RAB3IL1: variants seen among roughly 807,000 people sequenced by gnomAD.
The protein encoded by RAB3IL1 is guanine nucleotide exchange factor for Rab-3A.
In RAB3IL1, 37 loss-of-function variants were observed where a neutral mutation model predicts 49.2. The ratio of observed to expected loss-of-function variants is 0.75; its 90% CI spans 0.58 to 0.99. RAB3IL1 has a LOEUF of 0.99. Among genes scored for constraint, RAB3IL1 ranks in the 50% least tolerant of loss-of-function variants. The probability of loss-of-function intolerance (pLI) is 0.00; values close to 1 mark genes in which losing one functional copy is unlikely to be tolerated. For synonymous variants in RAB3IL1, 193 were observed against 213.9 expected (o/e 0.90, Z 0.85); for missense variants, 484 against 513.0 (o/e 0.94, Z 0.55).
intron 1 of RAB3IL1, among the ~76,000 whole-genome samples, chr11:61,912,902 AG>A (rs1939520217): frequency 6.6e-6 from 1 of 151,952 alleles, no homozygotes; most frequent in Non-Finnish European, 1.5e-5. Context: ...TGGGAGGAAC[AG>A]GGGCTGGATG....
chr11:61,937,948 C>T, the RAB3IL1 span: 12 of 151,972 alleles, frequency 7.9e-5, no homozygotes, highest in Admixed American at 3.3e-4. Flanking sequence ...AGAAGATTAG[C>T]GTGGCCCCTG....
chr11:61,917,346 C>A lies in RAB3IL1; in HGVS notation c.11+11G>T. On this transcript the variant is annotated intron_variant, in intron 1 of 9. Coordinates refer to ENST00000394836, the MANE Select transcript of RAB3IL1 (RefSeq NM_013401.4). ...GACCCAGCGCGGGACCGCGAGCGCG[C>A]GCGGACCTACCCGCTCCACATCCCG... is the stretch of plus-strand genomic sequence containing the variant. The A allele has an allele frequency of 1.5e-6, 2 of 1,305,086 alleles. No individual in the cohort carries two copies. Among genetic ancestry groups the A allele is most frequent in the South Asian group, 2.1e-5 (1 of 46,848 alleles). The allele number at this position is 1,305,086 out of a possible 1,614,324, so 80.8% of individuals were successfully genotyped here.
At chr11:61,904,508 C>T (rs1361710796) in intron 7 of RAB3IL1, 38 bp downstream of exon 7, 1 of 1,555,882 alleles carries the variant, frequency 6.4e-7, no homozygotes, top group Non-Finnish European at 8.8e-7. Context: ...GCGGGGCTTT[C>T]CCACATGGGC....
chr11:61,928,640 C>T, the RAB3IL1 span, among the ~76,000 whole-genome samples: 1 of 151,608 alleles, frequency 6.6e-6, no homozygotes, highest in African/African-American at 2.4e-5. Context: ...TAGGACCCTC[C>T]AACTACATGA....
chr11:61,934,345 CACACACAT>C, the RAB3IL1 span, among the ~76,000 whole-genome samples: 9,318 of 117,064 alleles, frequency 0.08, 410 homozygotes, highest in Non-Finnish European at 0.083. Flanking sequence ...CACACACACA[CACACACAT>C]ATGTATATAT....
At chr11:61,945,893 G>T in the RAB3IL1 span, 1 of 859,864 alleles carries the variant, frequency 1.2e-6, no homozygotes, top group Non-Finnish European at 1.4e-6. Flanking sequence ...GTCATGGGCA[G>T]GACTGGGTTT....
intron 1 of RAB3IL1, among the ~76,000 whole-genome samples, chr11:61,911,793 G>A (rs546800720): frequency 1.1e-4 from 16 of 152,292 alleles, no homozygotes; most frequent in African/African-American, 3.1e-4. Flanking sequence ...TCCCACTGCC[G>A]AGAGGCCCAG....
intron 2 of RAB3IL1, 80 bp from the exon 3 acceptor site, chr11:61,907,740 G>T: frequency 7.8e-7 from 1 of 1,287,506 alleles, no homozygotes; most frequent in Non-Finnish European, 1.1e-6. Flanking sequence ...ACCGGACCAG[G>T]TTCCATCCCC....
Position 61,906,251 on chromosome 11 carries a change from C to A in RAB3IL1, c.657+215G>T, listed in dbSNP as rs746722994. ...GTGGGGCAGGGAGGGGGCCTCAGGT[C>A]CCCAGATGGTATACCCTGGAGGCTG... On this transcript the variant is annotated intron_variant, in intron 5 of 9. Transcript: ENST00000394836. The surrounding 1 kb of genome is among the most constrained non-coding windows in gnomAD (Gnocchi z 4.6). Among the ~76,000 whole-genome samples, 4 of 152,128 alleles carry A rather than the reference C, an allele frequency of 2.6e-5. No homozygotes were observed. Among genetic ancestry groups the A allele is most frequent in the African/African-American group, 9.7e-5 (4 of 41,432 alleles).
chr11:61,903,770 C>G (rs554147266), intron 7 of RAB3IL1, among the ~76,000 whole-genome samples: 1 of 152,114 alleles, frequency 6.6e-6, no homozygotes, highest in Non-Finnish European at 1.5e-5. Flanking sequence ...AGTGATCCAC[C>G]CGCCTCAACC....
chr11:61,898,031 T>C lies in RAB3IL1; in HGVS notation c.*247A>G. The stretch of plus-strand genomic sequence containing the variant: ...GAGCTCCCTGGTCTTTGGTGCTTTC[T>C]TGAAATCCTCCTGGTGGTGGCAGAA... On this transcript the variant is annotated 3_prime_UTR_variant, in exon 10 of 10. Coordinates refer to ENST00000394836, the MANE Select transcript of RAB3IL1 (RefSeq NM_013401.4). The surrounding 1 kb of genome is among the most constrained non-coding windows in gnomAD (Gnocchi z 5.1). 1 of 490,574 alleles carries C rather than the reference T, an allele frequency of 2.0e-6. No individual in the cohort carries two copies. Among genetic ancestry groups the C allele is most frequent in the South Asian group, 2.5e-5 (1 of 39,730 alleles). The allele number at this position is 490,574 out of a possible 1,614,324, so 30.4% of individuals were successfully genotyped here.
rs1176381097 is a variant in RAB3IL1, at chr11:61,908,309, G to A, written c.12-3C>T. 1.4e-6 allele frequency: 2 copies of A among 1,468,506 alleles called. No individual in the cohort carries two copies. The highest frequency in any genetic ancestry group is 1.8e-6 in the Non-Finnish European group (2 of 1,114,234). The allele number at this position is 1,468,506 out of a possible 1,614,324, so 91.0% of individuals were successfully genotyped here. ...GGCCCTGGTCTGGCTGGGGTGGGCT[G>A]GAGACAAACAAGGGTATCAGCAGGT... On this transcript the variant is annotated splice_polypyrimidine_tract_variant and splice_region_variant and intron_variant, in intron 1 of 9. Coordinates refer to ENST00000394836, the MANE Select transcript of RAB3IL1 (RefSeq NM_013401.4).
At chr11:61,924,525 C>T (rs1241937389), upstream of RAB3IL1, among the ~76,000 whole-genome samples, 1 of 152,126 alleles carries the variant, frequency 6.6e-6, no homozygotes, top group Non-Finnish European at 1.5e-5. Context: ...ACCACAGCTG[C>T]CCAGGCCCCT....
chr11:61,908,772 T>C (rs1939333688), intron 1 of RAB3IL1, among the ~76,000 whole-genome samples: 1 of 152,202 alleles, frequency 6.6e-6, no homozygotes, highest in Non-Finnish European at 1.5e-5. Flanking sequence ...ATACAGTTAA[T>C]GCGAATTCTG....
chr11:61,942,182 G>A, the RAB3IL1 span, among the ~76,000 whole-genome samples: 3 of 152,200 alleles, frequency 2.0e-5, no homozygotes, highest in Non-Finnish European at 4.4e-5. Context: ...CTGCACTCCA[G>A]CCTAGGCAAC....
the RAB3IL1 span, among the ~76,000 whole-genome samples, chr11:61,934,809 C>T: frequency 3.3e-5 from 5 of 151,950 alleles, no homozygotes; most frequent in Admixed American, 3.3e-4. Context: ...TATCACTGTT[C>T]TAGGTATTTA....
At chr11:61,923,782 G>A (rs1939952854), upstream of RAB3IL1, among the ~76,000 whole-genome samples, 1 of 152,192 alleles carries the variant, frequency 6.6e-6, no homozygotes, top group African/African-American at 2.4e-5. Flanking sequence ...CAGCGCGGAT[G>A]GAATGTTTTG....
the RAB3IL1 span, among the ~76,000 whole-genome samples, chr11:61,936,877 T>A: frequency 6.6e-6 from 1 of 152,022 alleles, no homozygotes. Context: ...AAAGGAGAAC[T>A]CAAGACATCC....
In RAB3IL1 at chr11:61,904,824, T is replaced by C; in HGVS notation, c.716A>G (p.Lys239Arg). 6.2e-7 allele frequency: 1 copy of C among 1,611,422 alleles called. No individual in the cohort carries two copies. Among genetic ancestry groups the C allele is most frequent in the Non-Finnish European group, 8.5e-7 (1 of 1,178,820 alleles). ...CACCCTTTCCAGGAAGGGGCAGGTCTTGTCCAGGGTGGGGGATTCCCTCCA... is the reference window on the plus strand; with the variant it reads ...CACCCTTTCCAGGAAGGGGCAGGTCCTGTCCAGGGTGGGGGATTCCCTCCA... Reference protein sequence around the residue: ...QAWRESPTLDKTCPFLERVYR... With the variant: ...QAWRESPTLDRTCPFLERVYR... Residue 239 changes from lysine (K) to arginine (R), a missense_variant, in exon 6 of 10, where the codon AAG (lysine) becomes AGG (arginine). By Grantham distance (26) the Lys-to-Arg change is conservative. Transcript: ENST00000394836.
Sources: gnomAD v4.1 joint callset for allele counts (sites outside exome capture counted in the v4.1 genomes callset) on GRCh38, gnomAD v4.1.1 for gene constraint, Gnocchi (gnomAD v3.1) non-coding constraint, MANE v1.5 for transcripts, NCBI Gene and HGNC (gene_info 2026-07-23, HGNC 2026-07-21) for gene names.